DOCK10: variants seen among roughly 807,000 people sequenced by gnomAD.
DOCK10 encodes dedicator of cytokinesis 10.
Under a neutral mutation model 280.1 loss-of-function variants are expected in DOCK10, and 145 were observed. The ratio of observed to expected loss-of-function variants is 0.52; its 90% CI spans 0.45 to 0.59. The LOEUF is 0.59. Among genes scored for constraint, DOCK10 ranks in the 20% least tolerant of loss-of-function variants. DOCK10 has a pLI of 0.00. For synonymous variants in DOCK10, 915 were observed against 942.2 expected (o/e 0.97, Z 0.53); for missense variants, 2,368 against 2,651.7 (o/e 0.89, Z 2.35).
chr2:224,941,521 A>C (rs1385221196), intron 1 of DOCK10, among the ~76,000 whole-genome samples: 1 of 152,122 alleles, frequency 6.6e-6, no homozygotes, highest in Non-Finnish European at 1.5e-5. Context: ...CAGGGGAACA[A>C]AGTGGTAGCG....
chr2:224,912,696 C>T (rs529839858), intron 3 of DOCK10, among the ~76,000 whole-genome samples: 1 of 152,246 alleles, frequency 6.6e-6, no homozygotes, highest in South Asian at 2.1e-4. Context: ...TATCATACTA[C>T]AATTCTGTGA....
At chr2:224,826,765 A>G (rs980711558) in intron 27 of DOCK10, among the ~76,000 whole-genome samples, 3 of 151,374 alleles carry the variant, frequency 2.0e-5, no homozygotes, top group African/African-American at 7.3e-5. Context: ...CTATCTATCT[A>G]TCTATCTATC....
chr2:224,803,686 C>T (rs1693165741), intron 39 of DOCK10, among the ~76,000 whole-genome samples: 1 of 152,082 alleles, frequency 6.6e-6, no homozygotes, highest in South Asian at 2.1e-4. Context: ...GCTTCAAGAA[C>T]ATTGCAAAAA....
At chr2:224,892,360 C>A (rs1699725876) in intron 4 of DOCK10, among the ~76,000 whole-genome samples, 2 of 126,162 alleles carry the variant, frequency 1.6e-5, no homozygotes, top group Admixed American at 1.9e-4. Flanking sequence ...GATTGTGTCA[C>A]TGCACTCCAG....
At chr2:225,038,426 G>T (rs191783353) in intron 1 of DOCK10, among the ~76,000 whole-genome samples, 7 of 152,222 alleles carry the variant, frequency 4.6e-5, no homozygotes, top group Admixed American at 2.0e-4. Context: ...TTGGTCAAAG[G>T]TTCCGCTTCT....
At position 224,774,993 on chromosome 2, in the gene DOCK10, GT is replaced by G; in HGVS notation, c.5924del (p.Asn1975ThrfsTer29). ...KTDFEMHHNI[N>X]RFVFETPFTL... ...TGAAGGGTGTCTCGAAGACAAAGCG[GT>G]TGATGTTGTGGTGCATTTCGAAATC... On this transcript the variant is annotated frameshift_variant, in exon 52 of 56. Transcript: ENST00000258390. LOFTEE classifies it high-confidence loss of function. The G allele has an allele frequency of 1.2e-6, 2 of 1,613,620 alleles. No homozygotes were observed. The highest frequency in any genetic ancestry group is 1.7e-6 in the Non-Finnish European group (2 of 1,179,748).
rs372046210 is a variant in DOCK10, at chr2:224,834,261, G to A, written c.2853C>T (p.Phe951=). 9.1e-5 allele frequency: 143 copies of A among 1,577,994 alleles called. No homozygotes were observed. Among genetic ancestry groups the A allele is most frequent in the Non-Finnish European group, 1.1e-4 (128 of 1,151,230 alleles). The change falls in exon 26 of 56, where the codon TTC becomes TTT. Residue 951 remains phenylalanine (F), a splice_region_variant and synonymous_variant. Transcript: ENST00000258390. Reference sequence around the variant, plus strand: ...CCTTGCATGCCCTGGTCTTGAACACGAACTGAAGAAAATCCAAAAAGTGAA... The same window carrying A: ...CCTTGCATGCCCTGGTCTTGAACACAAACTGAAGAAAATCCAAAAAGTGAA... ...LDHSVQSYIK[F]VFKTRACKER...
chr2:224,827,459 T>C (rs974844167), intron 27 of DOCK10, among the ~76,000 whole-genome samples: 1 of 152,002 alleles, frequency 6.6e-6, no homozygotes, highest in African/African-American at 2.4e-5. Flanking sequence ...CTGGCTATTA[T>C]CAGTTCATTT....
chr2:224,788,006 C>T lies in DOCK10; in HGVS notation c.5419-609G>A, dbSNP rs3768881. ...GCACCTATAAGAACCTTATTTCACA[C>T]CTTCAAGTCCTATCAAGACTCAGCA... On this transcript the variant is annotated intron_variant, in intron 48 of 55. Coordinates refer to ENST00000258390, the MANE Select transcript of DOCK10 (RefSeq NM_014689.3). 5.1e-4 allele frequency among the ~76,000 whole-genome samples: 78 copies of T among 152,266 alleles called. 1 individual carries two copies. The East Asian group carries it at 0.014, about 27-fold the overall frequency.
intron 16 of DOCK10, 103 bp downstream of exon 16, chr2:224,854,860 C>A: frequency 2.8e-6 from 1 of 363,548 alleles, no homozygotes; most frequent in Non-Finnish European, 4.4e-6. Flanking sequence ...ACTAGCCAAC[C>A]AACCAACCAA....
intron 50 of DOCK10, among the ~76,000 whole-genome samples, chr2:224,780,736 C>G (rs1211040256): frequency 6.6e-6 from 1 of 151,782 alleles, no homozygotes; most frequent in Non-Finnish European, 1.5e-5. Context: ...CCCCGTCTCT[C>G]TAAAAATACA....
chr2:224,853,038 A>G lies in DOCK10; in HGVS notation c.1973T>C (p.Val658Ala). Residue 658 changes from valine to alanine, a missense_variant, in exon 17 of 56, where the codon GTT becomes GCT. Physicochemically the swap from Val to Ala is moderately conservative, Grantham distance 64 (BLOSUM62 0). This residue lies in a region of DOCK10 where 1,209 missense variants were observed against 1,250.9 expected (regional missense o/e 0.97). Coordinates refer to ENST00000258390, the MANE Select transcript of DOCK10 (RefSeq NM_014689.3). Reference sequence around the variant, plus strand: ...CCGACAATACTTTGTTGAATCGTAAACAAATTCTTCCACCTCCACTGTGGG... The same window carrying G: ...CCGACAATACTTTGTTGAATCGTAAGCAAATTCTTCCACCTCCACTGTGGG... ...TEPTVEVEEFVYDSTKYCRPY... is the reference protein window; with the variant it reads ...TEPTVEVEEFAYDSTKYCRPY... The G allele has an allele frequency of 1.2e-6, 2 of 1,612,248 alleles. No homozygotes were observed. The highest frequency in any genetic ancestry group is 8.5e-7 in the Non-Finnish European group (1 of 1,178,714).
intron 27 of DOCK10, among the ~76,000 whole-genome samples, chr2:224,826,559 T>C (rs1404737158): frequency 6.6e-6 from 1 of 151,982 alleles, no homozygotes; most frequent in Non-Finnish European, 1.5e-5. Context: ...TACAAATAGC[T>C]TGGGAAAAGT....
In DOCK10 at chr2:224,770,399, T is replaced by C. The variant is rs1249610096; in HGVS notation, c.6306-50A>G. ...TAAAAACCAGCCCTCGGAAGTGGCATTGAGCTCAGTGACTGTGAGTTCAGA... is the reference window on the plus strand; with the variant it reads ...TAAAAACCAGCCCTCGGAAGTGGCACTGAGCTCAGTGACTGTGAGTTCAGA... On this transcript the variant is annotated intron_variant, in intron 54 of 55. Coordinates refer to ENST00000258390, the MANE Select transcript of DOCK10 (RefSeq NM_014689.3). This position sits in a 1 kb window ranked among gnomAD's most constrained non-coding sequence, Gnocchi z 4.5. The C allele has an allele frequency of 5.1e-6, 8 of 1,563,368 alleles. No individual in the cohort carries two copies. The highest frequency in any genetic ancestry group is 1.7e-4 in the Middle Eastern group (1 of 5,782).
chr2:224,983,928 G>A (rs1705880386), intron 1 of DOCK10: 2 of 467,524 alleles, frequency 4.3e-6, no homozygotes, highest in Admixed American at 2.4e-5. Context: ...AACAACTAGG[G>A]CATTTACTGA....
At chr2:224,852,343 C>T in intron 18 of DOCK10, 34 bp downstream of exon 18, 1 of 1,541,814 alleles carries the variant, frequency 6.5e-7, no homozygotes, top group Non-Finnish European at 8.8e-7. Context: ...TGCCTTCCCA[C>T]TTTATGCTGG....
chr2:225,042,311 G>A lies in DOCK10; in HGVS notation c.64C>T (p.Leu22Phe), dbSNP rs1376656213. 2.9e-6 allele frequency: 4 copies of A among 1,356,082 alleles called. No individual in the cohort carries two copies. Among genetic ancestry groups the A allele is most frequent in the Non-Finnish European group, 2.9e-6 (3 of 1,050,752 alleles). 84.0% of individuals were successfully genotyped at this position (1,356,082 alleles called of 1,614,324 possible). ...SLLRPGQAAE[L>F]RHSAASAAAV... ...GCGGCGGACGCGGCGCTGTGCCGGAGCTCGGCCGCCTGCCCAGGTCTCAAC... is the reference window on the plus strand; with the variant it reads ...GCGGCGGACGCGGCGCTGTGCCGGAACTCGGCCGCCTGCCCAGGTCTCAAC... The change falls in exon 1 of 56, where the codon CTC becomes TTC. Residue 22 changes from leucine to phenylalanine, a missense_variant. Leu to Phe is a conservative substitution (Grantham distance 22). This residue lies in a region of DOCK10 where 1,209 missense variants were observed against 1,250.9 expected (regional missense o/e 0.97). Transcript: ENST00000258390. The surrounding 1 kb of genome is among the most constrained non-coding windows in gnomAD (Gnocchi z 5.1).
intron 52 of DOCK10, 92 bp downstream of exon 52, chr2:224,774,813 T>C (rs1690715633): frequency 8.3e-7 from 1 of 1,209,390 alleles, no homozygotes; most frequent in East Asian, 2.6e-5. Context: ...TCTGCAGGAC[T>C]GAAATAACTC....
At chr2:224,947,620 G>T (rs1273540624) in intron 1 of DOCK10, among the ~76,000 whole-genome samples, 1 of 152,164 alleles carries the variant, frequency 6.6e-6, no homozygotes, top group Non-Finnish European at 1.5e-5. Context: ...GTTACAAAGA[G>T]CTACAGAGTT....
Sources: allele counts gnomAD v4.1 joint callset (sites outside exome capture counted in the v4.1 genomes callset), GRCh38; gene constraint gnomAD v4.1.1; regional missense constraint gnomAD v4.1.1; non-coding constraint Gnocchi (gnomAD v3.1); transcripts MANE v1.5; gene names NCBI Gene and HGNC (gene_info 2026-07-23, HGNC 2026-07-21).